The following MYRIP variants were observed in gnomAD, a reference collection of about 807,000 sequenced individuals.
MYRIP encodes the protein rab effector MyRIP.
A neutral mutation model predicts 98.0 loss-of-function variants in MYRIP; 49 were observed. The observed-to-expected ratio is 0.50, with a 90% CI of 0.40 to 0.63. The LOEUF is 0.63. MYRIP is among the 30% of genes least tolerant of loss of function. The pLI, the probability that MYRIP is intolerant of heterozygous loss-of-function variation, is 0.00. For missense variants in MYRIP, 1,004 were observed against 1,058.2 expected, an observed-to-expected ratio of 0.95 and a Z score of 0.71; for synonymous variants, 404 against 409.5, an observed-to-expected ratio of 0.99 and a Z score of 0.16.
At chr3:40,094,714 G>T (rs192572719) in intron 3 of MYRIP, among the ~76,000 whole-genome samples, 5 of 152,150 alleles carry the variant, frequency 3.3e-5, no homozygotes, top group Middle Eastern at 3.2e-3. Context: ...ACTCAACCTC[G>T]CTTAAAGAAA....
chr3:39,980,272 G>C (rs927001752), intron 2 of MYRIP, among the ~76,000 whole-genome samples: 1 of 152,204 alleles, frequency 6.6e-6, no homozygotes, highest in African/African-American at 2.4e-5. Context: ...CAACAGACTT[G>C]TTCCACCTTA....
chr3:40,096,442 A>G (rs1948837126), intron 3 of MYRIP, among the ~76,000 whole-genome samples: 1 of 152,246 alleles, frequency 6.6e-6, no homozygotes, highest in Non-Finnish European at 1.5e-5. Flanking sequence ...AATTTAGCAT[A>G]TGGCAAAGGG....
In MYRIP at chr3:40,107,824, G is replaced by A. The variant is rs569962537; in HGVS notation, c.333-43224G>A. On this transcript the variant is annotated intron_variant, in intron 3 of 16. Transcript: ENST00000302541. Reference sequence around the variant, plus strand: ...CAGAATTGACAGATACTTTATACAAGGTCTAATGCCAAGGTAATGGGAGGT... The same window carrying A: ...CAGAATTGACAGATACTTTATACAAAGTCTAATGCCAAGGTAATGGGAGGT... Among the ~76,000 whole-genome samples the A allele has an allele frequency of 2.6e-5, 4 of 152,274 alleles. No individual in the cohort carries two copies. The East Asian group carries it at 5.8e-4, about 22-fold the overall frequency.
At chr3:39,875,884 C>G (rs758612845) in intron 1 of MYRIP, among the ~76,000 whole-genome samples, 32 of 151,940 alleles carry the variant, frequency 2.1e-4, no homozygotes, top group Non-Finnish European at 4.4e-4. Flanking sequence ...GAGTTCAATT[C>G]CTGGGTATCC....
At chr3:39,983,810 T>C (rs1276384496) in intron 2 of MYRIP, among the ~76,000 whole-genome samples, 1 of 152,224 alleles carries the variant, frequency 6.6e-6, no homozygotes, top group Admixed American at 6.5e-5. Context: ...TTCACCTTCA[T>C]GTTACTTGAT....
intron 9 of MYRIP, 106 bp from the exon 10 acceptor site, chr3:40,189,720 C>T: frequency 7.9e-7 from 1 of 1,263,230 alleles, no homozygotes; most frequent in Non-Finnish European, 1.1e-6. Flanking sequence ...CAACTGCTCT[C>T]CAACAGCCCC....
chr3:39,910,361 A>T (rs1344292565), intron 2 of MYRIP, among the ~76,000 whole-genome samples: 2 of 152,204 alleles, frequency 1.3e-5, no homozygotes, highest in Non-Finnish European at 2.9e-5. Flanking sequence ...AAGGACATTC[A>T]GGTGCCGTGG....
At chr3:40,214,732 A>T (rs1169411033) in intron 11 of MYRIP, among the ~76,000 whole-genome samples, 1 of 152,174 alleles carries the variant, frequency 6.6e-6, no homozygotes, top group Non-Finnish European at 1.5e-5. Context: ...AAGCCTGGGA[A>T]TGAGCACTCG....
Position 40,251,896 on chromosome 3 carries a change from C to T in MYRIP, c.2444C>T (p.Thr815Ile). The change falls in exon 16 of 17, where the codon ACA becomes ATA. Residue 815 changes from threonine to isoleucine, a missense_variant. This residue lies in a region of MYRIP where 108 missense variants were observed against 111.1 expected (regional missense o/e 0.97). Coordinates refer to ENST00000302541, the MANE Select transcript of MYRIP (RefSeq NM_015460.4). ...APPVKAEKIE[T>I]SSVTTIKTFN... ...TTCCTTTTAGCTGAAAAAATTGAGA[C>T]ATCTTCAGTGACTACCATTAAAACA... The T allele has an allele frequency of 1.9e-6, 3 of 1,610,950 alleles. No individual in the cohort carries two copies. The highest frequency in any genetic ancestry group is 2.5e-6 in the Non-Finnish European group (3 of 1,177,194).
chr3:40,259,782 T>C lies in MYRIP; in HGVS notation c.*1616T>C, dbSNP rs13081294. On this transcript the variant is annotated 3_prime_UTR_variant, in exon 17 of 17. Coordinates refer to ENST00000302541, the MANE Select transcript of MYRIP (RefSeq NM_015460.4). ...TAAGTAAATCTTTGGCTTTTTGTTCTGTTGGTGTGATTCAAAGCAAAACAA... is the reference window on the plus strand; with the variant it reads ...TAAGTAAATCTTTGGCTTTTTGTTCCGTTGGTGTGATTCAAAGCAAAACAA... 0.41 allele frequency: 63,209 copies of C among 152,552 alleles called. 15,890 individuals carry two copies. Among genetic ancestry groups the C allele is most frequent in the Non-Finnish European group, 0.56 (38,317 of 67,982 alleles). The allele number at this position is 152,552 out of a possible 1,614,324, so 9.4% of individuals were successfully genotyped here.
At chr3:40,144,945 G>A (rs1949980017) in intron 3 of MYRIP, among the ~76,000 whole-genome samples, 2 of 152,166 alleles carry the variant, frequency 1.3e-5, no homozygotes, top group Non-Finnish European at 2.9e-5. Context: ...CTTTCTGCAT[G>A]TTGATTTATG....
At chr3:39,938,623 A>G (rs1419518227) in intron 2 of MYRIP, among the ~76,000 whole-genome samples, 2 of 152,116 alleles carry the variant, frequency 1.3e-5, no homozygotes, top group Non-Finnish European at 2.9e-5. Flanking sequence ...TATGCTCATG[A>G]AAATTTGGTA....
chr3:40,069,910 C>A (rs374875792), intron 3 of MYRIP, among the ~76,000 whole-genome samples: 9 of 152,142 alleles, frequency 5.9e-5, no homozygotes, highest in Non-Finnish European at 7.4e-5. Context: ...CCCTGTCTTA[C>A]CAAATACATT....
intron 2 of MYRIP, among the ~76,000 whole-genome samples, chr3:39,978,131 T>C (rs1945801223): frequency 6.6e-6 from 1 of 152,220 alleles, no homozygotes; most frequent in Non-Finnish European, 1.5e-5. Context: ...CGTGGTATCA[T>C]GTTGCTACTG....
At chr3:40,086,041 T>TA (rs546811349) in intron 3 of MYRIP, among the ~76,000 whole-genome samples, 47 of 151,314 alleles carry the variant, frequency 3.1e-4, no homozygotes, top group African/African-American at 4.4e-4. Context: ...AGAAATACAG[T>TA]AAAAAAAACC....
chr3:40,009,614 C>G (rs559990443), intron 2 of MYRIP, among the ~76,000 whole-genome samples: 1 of 152,294 alleles, frequency 6.6e-6, no homozygotes, highest in Admixed American at 6.5e-5. Flanking sequence ...CTGAGATGGG[C>G]TTCAAGGGCA....
chr3:40,243,215 C>G (rs1953080641), intron 12 of MYRIP, among the ~76,000 whole-genome samples: 1 of 152,102 alleles, frequency 6.6e-6, no homozygotes, highest in Admixed American at 6.6e-5. Flanking sequence ...TCCCACAGCC[C>G]AGGTAATTAT....
intron 1 of MYRIP, among the ~76,000 whole-genome samples, chr3:39,898,129 G>T (rs1304208260): frequency 6.6e-6 from 1 of 152,030 alleles, no homozygotes; most frequent in Non-Finnish European, 1.5e-5. Flanking sequence ...GCAGTCTGTG[G>T]GTAGGATGTT....
intron 2 of MYRIP, among the ~76,000 whole-genome samples, chr3:39,973,237 A>G (rs533732383): frequency 8.4e-4 from 128 of 152,142 alleles, no homozygotes; most frequent in Middle Eastern, 6.8e-3. Context: ...ACAAAAAAAG[A>G]CAGGGGCTGT....
Sources: allele counts gnomAD v4.1 joint callset (sites outside exome capture counted in the v4.1 genomes callset), GRCh38; gene constraint gnomAD v4.1.1; regional missense constraint gnomAD v4.1.1; transcripts MANE v1.5; gene names NCBI Gene and HGNC (gene_info 2026-07-23, HGNC 2026-07-21).